Variants in LDLRAD3 observed in about 807,000 individuals in gnomAD.
LDLRAD3 encodes the protein low density lipoprotein receptor class A domain containing 3.
Under a neutral mutation model 29.4 loss-of-function variants are expected in LDLRAD3, and 20 were observed. That is an observed-to-expected ratio of 0.68 (90% CI 0.48 to 0.99). The LOEUF is 0.99. Ranked by LOEUF, LDLRAD3 falls within the 50% of genes least tolerant of loss-of-function variation. The pLI is 0.00. For missense variants in LDLRAD3, 420 were observed against 454.3 expected (o/e 0.92, Z 0.69); for synonymous variants, 157 against 192.7 (o/e 0.81, Z 1.53).
intron 4 of LDLRAD3, among the ~76,000 whole-genome samples, chr11:36,153,094 C>T (rs1021014087): frequency 6.6e-5 from 10 of 151,906 alleles, no homozygotes; most frequent in Non-Finnish European, 1.2e-4. Context: ...CTCTGAGCCT[C>T]AGGATCTCCA....
At chr11:36,190,453 T>C (rs180801308) in intron 4 of LDLRAD3, among the ~76,000 whole-genome samples, 1 of 152,260 alleles carries the variant, frequency 6.6e-6, no homozygotes, top group East Asian at 1.9e-4. Flanking sequence ...TGAGTTATGA[T>C]TGCACCACTG....
At chr11:36,101,181 T>C (rs900246321) in intron 4 of LDLRAD3, among the ~76,000 whole-genome samples, 6 of 152,192 alleles carry the variant, frequency 3.9e-5, no homozygotes, top group Non-Finnish European at 7.3e-5. Context: ...AGGCAGTTGC[T>C]GACACCTGTC....
At chr11:35,966,791 C>G (rs1259802667) in intron 1 of LDLRAD3, among the ~76,000 whole-genome samples, 1 of 152,176 alleles carries the variant, frequency 6.6e-6, no homozygotes, top group Non-Finnish European at 1.5e-5. Flanking sequence ...TATTAGGAGA[C>G]CCACTTCCAC....
chr11:36,065,896 C>T (rs1317929774), intron 2 of LDLRAD3, among the ~76,000 whole-genome samples: 2 of 152,188 alleles, frequency 1.3e-5, no homozygotes, highest in African/African-American at 2.4e-5. Flanking sequence ...CTAGAGAGCT[C>T]ATCAGAAATG....
chr11:35,959,497 A>G lies in LDLRAD3; in HGVS notation c.46+15353A>G, dbSNP rs549549382. On this transcript the variant is annotated intron_variant, in intron 1 of 5. Coordinates refer to ENST00000315571, the MANE Select transcript of LDLRAD3 (RefSeq NM_174902.4). Reference sequence around the variant, plus strand: ...TTGGGTGCTTTAAAATATATTTTTAATTACTTTAAATTATTGAATCTTCCG... The same window carrying G: ...TTGGGTGCTTTAAAATATATTTTTAGTTACTTTAAATTATTGAATCTTCCG... 2.0e-5 allele frequency among the ~76,000 whole-genome samples: 3 copies of G among 152,340 alleles called. No individual in the cohort carries two copies. The East Asian group carries it at 5.8e-4, about 29-fold the overall frequency.
At chr11:36,198,980 A>G (rs1855076146) in intron 4 of LDLRAD3, among the ~76,000 whole-genome samples, 1 of 152,030 alleles carries the variant, frequency 6.6e-6, no homozygotes, top group Admixed American at 6.6e-5. Context: ...GGCTCACTGC[A>G]AGCTCCGCCT....
intron 4 of LDLRAD3, among the ~76,000 whole-genome samples, chr11:36,214,604 G>GATCACC (rs780080427): frequency 2.0e-5 from 3 of 152,218 alleles, no homozygotes; most frequent in Non-Finnish European, 4.4e-5. Context: ...CCCCAAAACA[G>GATCACC]ATCACCGGGA....
intron 1 of LDLRAD3, chr11:35,972,412 T>G (rs1437813139): frequency 8.7e-6 from 1 of 115,166 alleles, no homozygotes. Context: ...CAGCTTAAAC[T>G]TTTTTTTTTT....
At chr11:36,141,081 C>T (rs1854080209) in intron 4 of LDLRAD3, among the ~76,000 whole-genome samples, 2 of 143,632 alleles carry the variant, frequency 1.4e-5, no homozygotes, top group African/African-American at 5.1e-5. Context: ...AAAATGGTTC[C>T]ATCCAAAATG....
chr11:36,107,204 C>CTT (rs1282766992), intron 4 of LDLRAD3, among the ~76,000 whole-genome samples: 3 of 143,886 alleles, frequency 2.1e-5, no homozygotes, highest in Admixed American at 7.0e-5. Context: ...TTTTCTTTTT[C>CTT]TTTTTTTTTT....
chr11:35,990,921 C>T (rs1851681375), intron 1 of LDLRAD3, among the ~76,000 whole-genome samples: 2 of 152,324 alleles, frequency 1.3e-5, no homozygotes, highest in Admixed American at 1.3e-4. Flanking sequence ...TTGGGAGACT[C>T]AGTGCTAACC....
chr11:35,987,255 T>C (rs983152390), intron 1 of LDLRAD3, among the ~76,000 whole-genome samples: 21 of 152,326 alleles, frequency 1.4e-4, no homozygotes, highest in African/African-American at 5.1e-4. Flanking sequence ...TTTTAAAGAA[T>C]AATTTCAACT....
chr11:36,227,877 T>A (rs1855522455), intron 5 of LDLRAD3, among the ~76,000 whole-genome samples: 1 of 152,012 alleles, frequency 6.6e-6, no homozygotes, highest in South Asian at 2.1e-4. Context: ...ATGTGAGAGG[T>A]TTGGTTAATA....
chr11:36,018,244 G>A (rs1351338531), intron 1 of LDLRAD3, among the ~76,000 whole-genome samples: 1 of 152,076 alleles, frequency 6.6e-6, no homozygotes, highest in Admixed American at 6.6e-5. Flanking sequence ...CTTCACCCAA[G>A]CTTCATCATA....
chr11:35,945,520 T>C (rs1417089659), intron 1 of LDLRAD3, among the ~76,000 whole-genome samples: 2 of 152,136 alleles, frequency 1.3e-5, no homozygotes, highest in East Asian at 1.9e-4. Context: ...CTTAAATTAG[T>C]CCACCTGGGG....
chr11:36,016,024 G>A (rs560630083), intron 1 of LDLRAD3, among the ~76,000 whole-genome samples: 1 of 152,344 alleles, frequency 6.6e-6, no homozygotes, highest in East Asian at 1.9e-4. Context: ...GGGAGGGCAA[G>A]TGAGATTTGG....
At chr11:36,120,842 C>G (rs1590283857) in intron 4 of LDLRAD3, among the ~76,000 whole-genome samples, 2 of 152,264 alleles carry the variant, frequency 1.3e-5, no homozygotes, top group East Asian at 3.9e-4. Flanking sequence ...GGGCAGAGCC[C>G]TCATCGATGC....
At chr11:36,059,240 T>C (rs1389106371) in intron 2 of LDLRAD3, among the ~76,000 whole-genome samples, 1 of 152,032 alleles carries the variant, frequency 6.6e-6, no homozygotes, top group Non-Finnish European at 1.5e-5. Flanking sequence ...AATTCATGCC[T>C]GTAGTTCCAG....
chr11:36,157,242 C>T lies in LDLRAD3; in HGVS notation c.454+58781C>T, dbSNP rs577694648. ...AAACCATCATAGAGGATCTCTGCCC[C>T]CTCATGCCTTTAAACGGGAACATTA... On this transcript the variant is annotated intron_variant, in intron 4 of 5. Transcript: ENST00000315571. Among the ~76,000 whole-genome samples, 85 of 152,238 alleles carry T rather than the reference C, an allele frequency of 5.6e-4. 1 individual carries two copies. The South Asian group carries it at 8.3e-3, about 15-fold the overall frequency.
Sources: allele counts gnomAD v4.1 joint callset (sites outside exome capture counted in the v4.1 genomes callset), GRCh38; gene constraint gnomAD v4.1.1; transcripts MANE v1.5; gene names NCBI Gene and HGNC (gene_info 2026-07-23, HGNC 2026-07-21).